The following DSCAM variants were observed in gnomAD, a reference collection of about 807,000 sequenced individuals.
DSCAM encodes DS cell adhesion molecule, also known as cell adhesion molecule DSCAM.
In DSCAM, 47 loss-of-function variants were observed where a neutral mutation model predicts 217.7. The observed-to-expected ratio is 0.22, with a 90% CI of 0.17 to 0.28. The LOEUF is 0.28. Among genes scored for constraint, DSCAM ranks in the 10% least tolerant of loss-of-function variants. The probability of loss-of-function intolerance (pLI) is 1.00; values close to 1 mark genes in which losing one functional copy is unlikely to be tolerated. For missense variants in DSCAM, 2,080 were observed against 2,618.3 expected (o/e 0.79, Z 4.49); for synonymous variants, 1,056 against 1,015.3 (o/e 1.04, Z -0.76).
chr21:40,179,184 C>CAAAAAGAA (rs2090770234), intron 14 of DSCAM, 90 bp from the exon 15 acceptor site: 1 of 100,436 alleles, frequency 1.0e-5, no homozygotes, highest in Non-Finnish European at 1.8e-5. Flanking sequence ...AATTAAAAAC[C>CAAAAAGAA]AAAAAAAAAA....
chr21:40,137,759 T>C (rs7281745), intron 18 of DSCAM, among the ~76,000 whole-genome samples: 47,167 of 152,002 alleles, frequency 0.31, 8,935 homozygotes, highest in South Asian at 0.51. Context: ...TTAAACAAAA[T>C]AGTTTTGTGT....
At chr21:40,085,379 G>C (rs2089518304) in intron 23 of DSCAM, among the ~76,000 whole-genome samples, 1 of 152,168 alleles carries the variant, frequency 6.6e-6, no homozygotes, top group South Asian at 2.1e-4. Context: ...TGTATGCAAA[G>C]ATGTTTTGTA....
chr21:40,376,259 T>C (rs951953896), intron 3 of DSCAM, among the ~76,000 whole-genome samples: 124 of 152,072 alleles, frequency 8.2e-4, no homozygotes, highest in African/African-American at 2.8e-3. Flanking sequence ...AACTCAGCTT[T>C]CTTCAAAGCC....
chr21:40,342,175 A>AATTTAAATCTCTATGTAT (rs1601567107), intron 6 of DSCAM, among the ~76,000 whole-genome samples: 2 of 152,190 alleles, frequency 1.3e-5, no homozygotes. Flanking sequence ...GAATACAACA[A>AATTTAAATCTCTATGTAT]TTGAAATACA....
At chr21:40,369,310 A>C in intron 3 of DSCAM, 65 bp from the exon 4 acceptor site, 1 of 1,522,946 alleles carries the variant, frequency 6.6e-7, no homozygotes, top group Non-Finnish European at 8.8e-7. Flanking sequence ...ACACAGACAA[A>C]GTCCTTAAAC....
chr21:40,356,590 C>T lies in DSCAM; in HGVS notation c.656-2847G>A, dbSNP rs144550224. Reference sequence around the variant, plus strand: ...GGAGGGGTGTTTTTATGCATTTTTCCTTTGCTTCTTTACATCACCTGGAAG... The same window carrying T: ...GGAGGGGTGTTTTTATGCATTTTTCTTTTGCTTCTTTACATCACCTGGAAG... On this transcript the variant is annotated intron_variant, in intron 4 of 32. Coordinates refer to ENST00000400454, the MANE Select transcript of DSCAM (RefSeq NM_001389.5). Among the ~76,000 whole-genome samples, 951 of 152,110 alleles carry T rather than the reference C, an allele frequency of 6.3e-3. 16 individuals are homozygous for T. The highest frequency in any genetic ancestry group is 0.022 in the African/African-American group (903 of 41,474).
chr21:40,110,283 G>T (rs948820505), intron 20 of DSCAM, among the ~76,000 whole-genome samples: 2 of 152,174 alleles, frequency 1.3e-5, no homozygotes, highest in African/African-American at 4.8e-5. Flanking sequence ...TGCAGCCTCC[G>T]CTGCTGATAC....
intron 3 of DSCAM, among the ~76,000 whole-genome samples, chr21:40,500,441 G>A (rs1394041236): frequency 1.3e-5 from 2 of 152,132 alleles, no homozygotes; most frequent in Non-Finnish European, 2.9e-5. Flanking sequence ...TGTTTTAAAA[G>A]AGAGATTAAG....
intron 27 of DSCAM, among the ~76,000 whole-genome samples, chr21:40,074,340 G>A (rs1462654980): frequency 6.6e-6 from 1 of 152,036 alleles, no homozygotes; most frequent in Non-Finnish European, 1.5e-5. Context: ...CAAAGGACCT[G>A]GGAACACGTC....
intron 3 of DSCAM, among the ~76,000 whole-genome samples, chr21:40,429,425 C>T (rs1451619424): frequency 6.6e-6 from 1 of 152,038 alleles, no homozygotes; most frequent in Non-Finnish European, 1.5e-5. Flanking sequence ...CACCACCACG[C>T]CTGGCTAATT....
At chr21:40,301,622 G>T (rs1320687815) in intron 9 of DSCAM, among the ~76,000 whole-genome samples, 1 of 109,646 alleles carries the variant, frequency 9.1e-6, no homozygotes, top group Non-Finnish European at 1.7e-5. Flanking sequence ...ATCTGGTATT[G>T]CTGTTTAACA....
At chr21:40,123,772 TGGGAGGGAAGGAAGGA>T (rs781306683) in intron 20 of DSCAM, among the ~76,000 whole-genome samples, 15 of 27,274 alleles carry the variant, frequency 5.5e-4, no homozygotes, top group Non-Finnish European at 1.0e-3. Context: ...AGGGATAGGG[TGGGAGGGAAGGAAGGA>T]GGGAGGGAAG....
intron 3 of DSCAM, among the ~76,000 whole-genome samples, chr21:40,444,745 G>A (rs58704028): frequency 0.25 from 38,203 of 152,044 alleles, 5,072 homozygotes; most frequent in African/African-American, 0.36. Flanking sequence ...AGTAGAGAAG[G>A]GAATAGGATC....
chr21:40,116,298 T>C (rs2089969646), intron 20 of DSCAM, among the ~76,000 whole-genome samples: 1 of 152,196 alleles, frequency 6.6e-6, no homozygotes, highest in South Asian at 2.1e-4. Flanking sequence ...ATCTGCACGT[T>C]ACCCCTGAAC....
intron 3 of DSCAM, among the ~76,000 whole-genome samples, chr21:40,540,155 C>T (rs80003874): frequency 0.014 from 2,198 of 152,220 alleles, 64 homozygotes; most frequent in African/African-American, 0.049. Context: ...GGCCGTTCCT[C>T]CTACATTTGA....
At chr21:40,113,377 A>G (rs541047775) in intron 20 of DSCAM, among the ~76,000 whole-genome samples, 1 of 152,336 alleles carries the variant, frequency 6.6e-6, no homozygotes, top group African/African-American at 2.4e-5. Context: ...TCATGCTAAA[A>G]ACTCTCAATA....
chr21:40,112,408 T>G (rs1404492328), intron 20 of DSCAM, among the ~76,000 whole-genome samples: 1 of 152,006 alleles, frequency 6.6e-6, no homozygotes, highest in Non-Finnish European at 1.5e-5. Context: ...CTGGGACACA[T>G]TTAAGACAGT....
chr21:40,567,675 C>T (rs370099946), intron 3 of DSCAM, among the ~76,000 whole-genome samples: 1 of 152,256 alleles, frequency 6.6e-6, no homozygotes, highest in African/African-American at 2.4e-5. Flanking sequence ...TCAGGCCCAA[C>T]ATCTGTCTCC....
At chr21:40,828,343 G>A (rs1008412835) in intron 1 of DSCAM, among the ~76,000 whole-genome samples, 2 of 152,208 alleles carry the variant, frequency 1.3e-5, no homozygotes, top group African/African-American at 2.4e-5. Flanking sequence ...ACAGGAGCAA[G>A]GCCAGGGCTT....
Sources: allele counts gnomAD v4.1 joint callset (sites outside exome capture counted in the v4.1 genomes callset), GRCh38; gene constraint gnomAD v4.1.1; transcripts MANE v1.5; gene names NCBI Gene and HGNC (gene_info 2026-07-23, HGNC 2026-07-21).